Variants in DMD observed in about 807,000 individuals in gnomAD.
DMD encodes dystrophin, also known as mutant dystrophin.
DMD carries 63 observed loss-of-function variants against 330.1 expected under a neutral mutation model. That is an observed-to-expected ratio of 0.19 (90% CI 0.16 to 0.24). The LOEUF is 0.24. DMD is among the 10% of genes least tolerant of loss of function. DMD has a pLI of 1.00. For synonymous variants in DMD, 1,223 were observed against 959.8 expected, an observed-to-expected ratio of 1.27 and a Z score of -5.07; for missense variants, 3,344 against 2,684.1, an observed-to-expected ratio of 1.25 and a Z score of -5.43.
At chrX:32,572,131 G>T (rs2052490553) in intron 15 of DMD, among the ~76,000 whole-genome samples, 1 of 111,238 alleles carries the variant, frequency 9.0e-6, no homozygotes, top group African/African-American at 3.3e-5. Context: ...CATATTCTTT[G>T]AGCAATAATT....
chrX:32,951,939 C>T (rs923474495), intron 2 of DMD, among the ~76,000 whole-genome samples: 3 of 110,884 alleles, frequency 2.7e-5, no homozygotes, highest in Non-Finnish European at 3.8e-5. Context: ...TTGACATCTC[C>T]TCTTTTTAAA....
intron 2 of DMD, among the ~76,000 whole-genome samples, chrX:32,898,624 G>T (rs2085945073): frequency 8.9e-6 from 1 of 111,745 alleles, no homozygotes; most frequent in Non-Finnish European, 1.9e-5. Flanking sequence ...AGGTTATTTA[G>T]AACTTTCTAG....
intron 1 of DMD, among the ~76,000 whole-genome samples, chrX:33,039,874 G>GT (rs1367742142): frequency 4.5e-5 from 5 of 110,613 alleles, no homozygotes; most frequent in South Asian, 3.9e-4. Flanking sequence ...CTATAAAAAC[G>GT]TATTATTTTT....
chrX:32,580,150 C>T (rs1436331243), intron 13 of DMD, among the ~76,000 whole-genome samples: 1 of 110,838 alleles, frequency 9.0e-6, no homozygotes, highest in Non-Finnish European at 1.9e-5. Flanking sequence ...CAGCATTCAT[C>T]ACATTCCCAG....
intron 47 of DMD, among the ~76,000 whole-genome samples, chrX:31,924,914 G>A (rs2094747787): frequency 9.0e-6 from 1 of 111,552 alleles, no homozygotes; most frequent in South Asian, 3.7e-4. Context: ...TGTAAAATGC[G>A]ATGAAAAATT....
At chrX:31,146,164 T>C (rs2036669901) in intron 76 of DMD, 127 bp downstream of exon 76, 1 of 830,998 alleles carries the variant, frequency 1.2e-6, no homozygotes, top group Non-Finnish European at 1.8e-6. Context: ...TTTCGCCTGG[T>C]ATATGATTTT....
intron 2 of DMD, among the ~76,000 whole-genome samples, chrX:32,915,310 C>A (rs757942056): frequency 9.0e-6 from 1 of 111,164 alleles, no homozygotes; most frequent in Non-Finnish European, 1.9e-5. Context: ...TAATATTTTG[C>A]TCATATGAAT....
intron 17 of DMD, among the ~76,000 whole-genome samples, chrX:32,536,245 C>A (rs1366891704): frequency 1.3e-5 from 1 of 77,084 alleles, no homozygotes; most frequent in Non-Finnish European, 2.2e-5. Context: ...AGACTGGCAA[C>A]AGAGTGAGAC....
At chrX:32,797,782 C>A (rs1410098093) in intron 7 of DMD, among the ~76,000 whole-genome samples, 1 of 109,488 alleles carries the variant, frequency 9.1e-6, no homozygotes, top group Non-Finnish European at 1.9e-5. Flanking sequence ...CTGTATAGGC[C>A]AAGGATATTG....
At chrX:32,410,376 C>T (rs898980362) in intron 30 of DMD, among the ~76,000 whole-genome samples, 9 of 111,721 alleles carry the variant, frequency 8.1e-5, no homozygotes, top group African/African-American at 2.9e-4. Flanking sequence ...ACTACCTATA[C>T]TCTGCCACAT....
At chrX:32,542,798 C>T (rs58184544) in intron 17 of DMD, among the ~76,000 whole-genome samples, 3 of 111,979 alleles carry the variant, frequency 2.7e-5, no homozygotes, top group Non-Finnish European at 3.8e-5. Flanking sequence ...TATCTTCGTT[C>T]AGTCTAAATT....
intron 21 of DMD, among the ~76,000 whole-genome samples, chrX:32,476,841 C>G (rs2041287439): frequency 9.0e-6 from 1 of 111,594 alleles, no homozygotes; most frequent in Non-Finnish European, 1.9e-5. Flanking sequence ...CAGAAATAGA[C>G]CAGCTCCATC....
At chrX:33,100,998 G>A (rs1409599619) in intron 1 of DMD, among the ~76,000 whole-genome samples, 3 of 111,986 alleles carry the variant, frequency 2.7e-5, no homozygotes, top group Non-Finnish European at 5.6e-5. Context: ...GAGAGATATA[G>A]TATATTCTGT....
chrX:31,560,434 T>A (rs1436034785), intron 55 of DMD, among the ~76,000 whole-genome samples: 1 of 112,146 alleles, frequency 8.9e-6, no homozygotes. Context: ...GTCTGAGTTA[T>A]CATACCTTGG....
chrX:32,556,472 C>A (rs2050313005), intron 16 of DMD, among the ~76,000 whole-genome samples: 1 of 110,948 alleles, frequency 9.0e-6, no homozygotes, highest in Non-Finnish European at 1.9e-5. Flanking sequence ...GGGTATATAC[C>A]CAAATATAAA....
chrX:32,861,039 T>C (rs1264571569), intron 2 of DMD, among the ~76,000 whole-genome samples: 4 of 112,040 alleles, frequency 3.6e-5, no homozygotes, highest in Non-Finnish European at 7.5e-5. Flanking sequence ...ACACCCAGAA[T>C]GCCTTGGGTT....
At chrX:32,707,220 C>A (rs2064757592) in intron 7 of DMD, among the ~76,000 whole-genome samples, 1 of 112,126 alleles carries the variant, frequency 8.9e-6, no homozygotes, top group Admixed American at 9.4e-5. Flanking sequence ...AATAAATGAT[C>A]CCAGAGATAT....
chrX:32,510,623 G>A (rs890838937), intron 18 of DMD, among the ~76,000 whole-genome samples: 14 of 111,234 alleles, frequency 1.3e-4, no homozygotes, highest in East Asian at 2.8e-4. Flanking sequence ...TTAGCGTAAC[G>A]CGTCCATATA....
At chrX:31,932,835 A>G (rs1390394121) in intron 45 of DMD, among the ~76,000 whole-genome samples, 1 of 112,642 alleles carries the variant, frequency 8.9e-6, no homozygotes, top group Non-Finnish European at 1.9e-5. Context: ...TTATGTCATT[A>G]TATCTGAGCA....
Sources: allele counts gnomAD v4.1 joint callset (sites outside exome capture counted in the v4.1 genomes callset), GRCh38; gene constraint gnomAD v4.1.1; transcripts MANE v1.5; gene names NCBI Gene and HGNC (gene_info 2026-07-23, HGNC 2026-07-21).